LDLRAD3: variants seen among roughly 807,000 people sequenced by gnomAD.
The protein encoded by LDLRAD3 is low-density lipoprotein receptor class A domain-containing protein 3.
A neutral mutation model predicts 29.4 loss-of-function variants in LDLRAD3; 20 were observed. The observed-to-expected ratio is 0.68, with a 90% confidence interval of 0.48 to 0.99. The LOEUF is 0.99. LDLRAD3 is among the 50% of genes least tolerant of loss of function. LDLRAD3 has a pLI of 0.00. For synonymous variants in LDLRAD3, 157 were observed against 192.7 expected (o/e 0.81, Z 1.53); for missense variants, 420 against 454.3 (o/e 0.92, Z 0.69).
intron 1 of LDLRAD3, among the ~76,000 whole-genome samples, chr11:35,984,876 C>G (rs539354638): frequency 6.6e-6 from 1 of 151,904 alleles, no homozygotes; most frequent in Admixed American, 6.6e-5. Flanking sequence ...GTGATCTGCC[C>G]GCCTTGGCCT....
At chr11:36,019,880 C>G (rs192645755) in intron 1 of LDLRAD3, among the ~76,000 whole-genome samples, 1 of 152,284 alleles carries the variant, frequency 6.6e-6, no homozygotes, top group Non-Finnish European at 1.5e-5. Flanking sequence ...AGAGCAGAAA[C>G]AGAGGGCTGA....
At chr11:36,190,709 C>T (rs755554851) in intron 4 of LDLRAD3, among the ~76,000 whole-genome samples, 3 of 152,078 alleles carry the variant, frequency 2.0e-5, no homozygotes, top group Non-Finnish European at 2.9e-5. Flanking sequence ...GGTTTTCAGA[C>T]AGAAAAGAGC....
Position 35,944,224 on chromosome 11 carries a change from G to T in LDLRAD3, c.46+80G>T, listed in dbSNP as rs1449690573. On this transcript the variant is annotated intron_variant, in intron 1 of 5. Coordinates refer to ENST00000315571, the MANE Select transcript of LDLRAD3 (RefSeq NM_174902.4). This position sits in a 1 kb window ranked among gnomAD's most constrained non-coding sequence, Gnocchi z 4.9. ...GGGCGCAGCGGCCGGGTGCGATCGC[G>T]TCCTCTCCCGGGCGCGGGCCGCTCT... The T allele has an allele frequency of 2.4e-5, 20 of 835,584 alleles. No individual in the cohort carries two copies. Among genetic ancestry groups the T allele is most frequent in the Non-Finnish European group, 2.7e-5 (19 of 692,744 alleles). 51.8% of individuals were successfully genotyped at this position (835,584 alleles called of 1,614,324 possible).
intron 4 of LDLRAD3, among the ~76,000 whole-genome samples, chr11:36,115,694 C>A (rs1271625322): frequency 6.6e-6 from 1 of 152,144 alleles, no homozygotes; most frequent in African/African-American, 2.4e-5. Context: ...CATCATCCAG[C>A]GAGGCTGTAT....
chr11:36,097,433 A>G (rs78015652), intron 3 of LDLRAD3, among the ~76,000 whole-genome samples: 3,019 of 152,234 alleles, frequency 0.02, 28 homozygotes, highest in Non-Finnish European at 0.023. Context: ...TGTGTCCCTT[A>G]TGCTACCAGC....
intron 1 of LDLRAD3, among the ~76,000 whole-genome samples, chr11:36,025,515 A>T (rs1565169780): frequency 6.6e-6 from 1 of 151,196 alleles, no homozygotes; most frequent in Non-Finnish European, 1.5e-5. Context: ...CAGCCTCCCG[A>T]GTAGCTGGGA....
At chr11:36,000,294 T>A (rs1209735390) in intron 1 of LDLRAD3, among the ~76,000 whole-genome samples, 1 of 149,320 alleles carries the variant, frequency 6.7e-6, no homozygotes, top group Non-Finnish European at 1.5e-5. Flanking sequence ...ATAACATATA[T>A]AATATAAATA....
At chr11:36,078,172 T>C (rs1485648962) in intron 2 of LDLRAD3, among the ~76,000 whole-genome samples, 1 of 152,124 alleles carries the variant, frequency 6.6e-6, no homozygotes, top group Non-Finnish European at 1.5e-5. Flanking sequence ...GATTAATCCA[T>C]GGGCAGGCCT....
At chr11:36,223,856 C>T (rs574073616) in intron 4 of LDLRAD3, among the ~76,000 whole-genome samples, 13 of 151,668 alleles carry the variant, frequency 8.6e-5, no homozygotes, top group Non-Finnish European at 1.3e-4. Flanking sequence ...CCCCCAGTTG[C>T]GAGAAGTTGG....
At chr11:36,117,232 C>T (rs1853688888) in intron 4 of LDLRAD3, among the ~76,000 whole-genome samples, 1 of 152,150 alleles carries the variant, frequency 6.6e-6, no homozygotes, top group African/African-American at 2.4e-5. Context: ...CCTCTGAGAT[C>T]AGTGATCCAT....
intron 4 of LDLRAD3, among the ~76,000 whole-genome samples, chr11:36,217,245 G>C (rs1023361316): frequency 6.6e-6 from 1 of 152,142 alleles, no homozygotes; most frequent in Non-Finnish European, 1.5e-5. Context: ...ACATGTTTCA[G>C]AGTTAGTTTA....
chr11:35,976,941 A>G (rs1316663130), intron 1 of LDLRAD3, among the ~76,000 whole-genome samples: 1 of 152,188 alleles, frequency 6.6e-6, no homozygotes, highest in Non-Finnish European at 1.5e-5. Context: ...TTGGAGTTCT[A>G]GAAATATGCA....
At chr11:36,051,373 A>G (rs1280434002) in intron 2 of LDLRAD3, among the ~76,000 whole-genome samples, 2 of 152,166 alleles carry the variant, frequency 1.3e-5, no homozygotes, top group South Asian at 2.1e-4. Flanking sequence ...GAGTGAGTCA[A>G]ATCATGCTCT....
intron 4 of LDLRAD3, among the ~76,000 whole-genome samples, chr11:36,104,221 G>A (rs1853493206): frequency 6.6e-6 from 1 of 152,138 alleles, no homozygotes; most frequent in Non-Finnish European, 1.5e-5. Context: ...TAAGCTAGCG[G>A]GGAACCGAGG....
chr11:36,039,071 G>A (rs1234080837), intron 2 of LDLRAD3, among the ~76,000 whole-genome samples: 2 of 150,302 alleles, frequency 1.3e-5, no homozygotes. Context: ...CCGGGTTCAC[G>A]CCATTCTCTC....
intron 2 of LDLRAD3, among the ~76,000 whole-genome samples, chr11:36,056,501 T>A (rs1057380247): frequency 1.2e-4 from 19 of 152,094 alleles, no homozygotes; most frequent in African/African-American, 4.6e-4. Context: ...CATTCTGGCT[T>A]GAGTTGAGCC....
Position 36,070,293 on chromosome 11 carries a change from A to T in LDLRAD3, c.194-11360A>T, listed in dbSNP as rs191157076. 1.7e-3 allele frequency among the ~76,000 whole-genome samples: 259 copies of T among 152,346 alleles called. 4 individuals are homozygous for T. Among genetic ancestry groups the T allele is most frequent in the Admixed American group, 0.016 (240 of 15,302 alleles). ...CCTTACAAAGTAGACAGAACTGAGT[A>T]AGTTTCAAAGCTCTAAAAAGGGCCT... is the stretch of plus-strand genomic sequence containing the variant. On this transcript the variant is annotated intron_variant, in intron 2 of 5. Transcript: ENST00000315571.
At chr11:36,038,967 C>CTT (rs1852342007) in intron 2 of LDLRAD3, among the ~76,000 whole-genome samples, 5 of 76,288 alleles carry the variant, frequency 6.6e-5, no homozygotes, top group Admixed American at 1.9e-4. Context: ...TTTAAAATTT[C>CTT]TTTCTTTTTT....
At chr11:35,988,913 G>A (rs914438095) in intron 1 of LDLRAD3, 2 of 152,030 alleles carry the variant, frequency 1.3e-5, no homozygotes, top group Non-Finnish European at 2.9e-5. Flanking sequence ...TGTTTTTGTT[G>A]CAGTTGCTTT....
Sources: allele counts gnomAD v4.1 joint callset (sites outside exome capture counted in the v4.1 genomes callset), GRCh38; gene constraint gnomAD v4.1.1; non-coding constraint Gnocchi (gnomAD v3.1); transcripts MANE v1.5; gene names NCBI Gene and HGNC (gene_info 2026-07-23, HGNC 2026-07-21).